TRHDE: variants seen among roughly 807,000 people sequenced by gnomAD.
TRHDE encodes thyrotropin releasing hormone degrading enzyme, also known as thyrotropin-releasing hormone-degrading ectoenzyme.
TRHDE carries 72 observed loss-of-function variants against 125.7 expected under a neutral mutation model. The ratio of observed to expected loss-of-function variants is 0.57; its 90% CI spans 0.47 to 0.70. TRHDE has a LOEUF of 0.70. TRHDE is among the 30% of genes least tolerant of loss of function. TRHDE has a pLI of 0.00. For missense variants in TRHDE, 1,110 were observed against 1,327.1 expected (o/e 0.84, Z 2.54); for synonymous variants, 509 against 509.1 (o/e 1.00, Z 0.00).
chr12:72,313,429 G>A (rs902442824), intron 2 of TRHDE, among the ~76,000 whole-genome samples: 5 of 151,924 alleles, frequency 3.3e-5, no homozygotes, highest in Admixed American at 2.0e-4. Flanking sequence ...TTTTAAAAGC[G>A]TTCTGTTATG....
At chr12:72,604,562 A>C (rs923902698) in intron 12 of TRHDE, among the ~76,000 whole-genome samples, 1 of 152,022 alleles carries the variant, frequency 6.6e-6, no homozygotes, top group African/African-American at 2.4e-5. Context: ...TACTGAAGAG[A>C]AATTTCTAAT....
At chr12:72,569,719 C>CAT (rs949321030) in intron 10 of TRHDE, among the ~76,000 whole-genome samples, 1 of 152,156 alleles carries the variant, frequency 6.6e-6, no homozygotes, top group Admixed American at 6.5e-5. Flanking sequence ...ACGACGAAAA[C>CAT]ATATGCTTTT....
At chr12:72,598,980 G>T (rs1301193329) in intron 12 of TRHDE, among the ~76,000 whole-genome samples, 1 of 151,948 alleles carries the variant, frequency 6.6e-6, no homozygotes, top group Non-Finnish European at 1.5e-5. Context: ...AAGAAAATGC[G>T]GTATTTCCTT....
chr12:72,462,325 G>A (rs1395122149), intron 3 of TRHDE, among the ~76,000 whole-genome samples: 1 of 152,176 alleles, frequency 6.6e-6, no homozygotes, highest in Admixed American at 6.6e-5. Flanking sequence ...TCTGTGAATC[G>A]GAAGGGAATG....
At chr12:72,411,316 C>A (rs1187621815) in intron 3 of TRHDE, among the ~76,000 whole-genome samples, 1 of 151,232 alleles carries the variant, frequency 6.6e-6, no homozygotes, top group Admixed American at 6.6e-5. Context: ...CAATAAGGTG[C>A]ATATTAATAT....
At position 72,202,961 on chromosome 12, in the gene TRHDE, T is replaced by A. The variant is rs534432092; in HGVS notation, n.279+97209T>A. Among the ~76,000 whole-genome samples, 9 of 152,258 alleles carry A rather than the reference T, an allele frequency of 5.9e-5. No individual in the cohort carries two copies. In the East Asian group the frequency reaches 1.7e-3, roughly 29 times the overall value. On this transcript the variant is annotated intron_variant and non_coding_transcript_variant, in intron 2 of 4. Transcript: ENST00000548156. ...TTGGGTTTCAGCTATTTAATATTTT[T>A]ATTATTTTAAACATATTTTATATGT...
intron 15 of TRHDE, among the ~76,000 whole-genome samples, chr12:72,643,893 C>T (rs1157987174): frequency 6.6e-6 from 1 of 152,094 alleles, no homozygotes; most frequent in Non-Finnish European, 1.5e-5. Context: ...AAAAAAGTTA[C>T]AGGTAACATT....
chr12:72,397,873 T>C (rs1056601623), intron 3 of TRHDE, among the ~76,000 whole-genome samples: 2 of 152,062 alleles, frequency 1.3e-5, no homozygotes, highest in African/African-American at 4.8e-5. Context: ...AGGGTACATG[T>C]GCACAATGTG....
chr12:72,184,099 G>A (rs1877152599), intron 2 of TRHDE, among the ~76,000 whole-genome samples: 2 of 152,102 alleles, frequency 1.3e-5, no homozygotes, highest in Non-Finnish European at 1.5e-5. Flanking sequence ...GAAAATCAAA[G>A]GTTGTGCAGG....
intron 12 of TRHDE, 22 bp from the exon 13 acceptor site, chr12:72,618,869 C>CTT: frequency 4.7e-5 from 63 of 1,344,778 alleles, no homozygotes; most frequent in South Asian, 3.1e-4. Flanking sequence ...CATCATGTAT[C>CTT]TTTTTTTTTT....
intron 2 of TRHDE, among the ~76,000 whole-genome samples, chr12:72,148,486 A>G (rs1450988226): frequency 6.6e-6 from 1 of 152,216 alleles, no homozygotes. Context: ...TTTGTGAACT[A>G]ATTGGCAACA....
At chr12:72,525,601 T>TGTG (rs1868317196) in intron 6 of TRHDE, among the ~76,000 whole-genome samples, 1 of 127,716 alleles carries the variant, frequency 7.8e-6, no homozygotes, top group Admixed American at 8.0e-5. Context: ...TGTGTGTGGT[T>TGTG]TGTGTGTGTG....
chr12:72,159,407 G>A (rs1405428338), intron 2 of TRHDE, among the ~76,000 whole-genome samples: 1 of 152,190 alleles, frequency 6.6e-6, no homozygotes, highest in Non-Finnish European at 1.5e-5. Context: ...GAATGACCCA[G>A]CCACATGAAT....
intron 2 of TRHDE, among the ~76,000 whole-genome samples, chr12:72,252,902 C>A (rs928034525): frequency 2.0e-5 from 3 of 151,960 alleles, no homozygotes; most frequent in African/African-American, 7.2e-5. Flanking sequence ...CTCAATATTT[C>A]ATTTTCCTTG....
At chr12:72,377,973 T>G (rs751203502) in intron 2 of TRHDE, 22 bp from the exon 3 acceptor site, 1 of 1,532,674 alleles carries the variant, frequency 6.5e-7, no homozygotes, top group Non-Finnish European at 8.8e-7. Context: ...CTAAAGTAAC[T>G]TTTATATATA....
In TRHDE at chr12:72,613,375, T is replaced by G. The variant is rs1372653497; in HGVS notation, c.2322-5516T>G. 2.0e-5 allele frequency among the ~76,000 whole-genome samples: 3 copies of G among 152,344 alleles called. No homozygotes were observed. The East Asian group carries it at 5.8e-4, about 29-fold the overall frequency. ...ATGAGCAAAAATACAAATGTCACTC[T>G]AATAAAATTTTCTCATTCTGCTATT... On this transcript the variant is annotated intron_variant, in intron 12 of 18. Coordinates refer to ENST00000261180, the MANE Select transcript of TRHDE (RefSeq NM_013381.3).
At chr12:72,109,969 T>C (rs1875279249) in intron 2 of TRHDE, among the ~76,000 whole-genome samples, 1 of 152,082 alleles carries the variant, frequency 6.6e-6, no homozygotes, top group South Asian at 2.1e-4. Flanking sequence ...ATTATACATG[T>C]GTAATTTTTC....
At position 72,668,159 on chromosome 12, in the gene TRHDE, TTAAG is replaced by T. The variant is rs1309865575; in HGVS notation, c.*4967_*4970del. 2.6e-5 allele frequency: 4 copies of T among 151,746 alleles called. No homozygotes were observed. Among genetic ancestry groups the T allele is most frequent in the African/African-American group, 9.7e-5 (4 of 41,424 alleles). The allele number at this position is 151,746 out of a possible 1,614,324, so 9.4% of individuals were successfully genotyped here. ...ACTAATGATGAAGTTTTTTAAAATA[TTAAG>T]TATTTTATTTAATGTGATATAGATT... On this transcript the variant is annotated 3_prime_UTR_variant, in exon 19 of 19. Transcript: ENST00000261180.
At chr12:72,263,671 G>A (rs1193918074) in intron 2 of TRHDE, 1 of 152,014 alleles carries the variant, frequency 6.6e-6, no homozygotes, top group Non-Finnish European at 1.5e-5. Flanking sequence ...CAAAGCACAG[G>A]ATTCACTCAT....
Sources: gnomAD v4.1 joint callset for allele counts (sites outside exome capture counted in the v4.1 genomes callset) on GRCh38, gnomAD v4.1.1 for gene constraint, MANE v1.5 for transcripts, NCBI Gene and HGNC (gene_info 2026-07-23, HGNC 2026-07-21) for gene names.